GPATCH8: variants seen among roughly 807,000 people sequenced by gnomAD.
GPATCH8 encodes the protein G-patch domain containing 8.
In GPATCH8, 18 loss-of-function variants were observed where a neutral mutation model predicts 118.3. The observed-to-expected ratio is 0.15, with a 90% CI of 0.11 to 0.23. GPATCH8 has a LOEUF of 0.23. Among genes scored for constraint, GPATCH8 ranks in the 10% least tolerant of loss-of-function variants. The probability of loss-of-function intolerance (pLI) is 1.00; values close to 1 mark genes in which losing one functional copy is unlikely to be tolerated. For missense variants in GPATCH8, 1,631 were observed against 1,873.8 expected, an observed-to-expected ratio of 0.87 and a Z score of 2.39; for synonymous variants, 659 against 684.7, an observed-to-expected ratio of 0.96 and a Z score of 0.59.
At chr17:44,443,362 C>T (rs1431705960) in intron 3 of GPATCH8, among the ~76,000 whole-genome samples, 1 of 152,106 alleles carries the variant, frequency 6.6e-6, no homozygotes, top group Non-Finnish European at 1.5e-5. Flanking sequence ...CAAACCAAAG[C>T]TTAATTTTTG....
rs779970620 is a variant in GPATCH8 at position 44,400,327 on chromosome 17, C to G, written c.1750G>C (p.Ala584Pro). Reference protein sequence around the residue: ...FDFKLSRNKDARTKGTEKPKD... With the variant: ...FDFKLSRNKDPRTKGTEKPKD... The stretch of plus-strand genomic sequence containing the variant: ...GGTTTTTCTGTTCCTTTAGTTCTGG[C>G]ATCTTTGTTCCTTGAAAGTTTAAAG... Residue 584 changes from alanine to proline, a missense_variant, in exon 8 of 8, where the codon GCC becomes CCC. This residue lies in a region of GPATCH8 where 405 missense variants were observed against 462.7 expected (regional missense o/e 0.88). Transcript: ENST00000591680. 1 of 1,614,124 alleles carries G rather than the reference C, an allele frequency of 6.2e-7. No individual in the cohort carries two copies. The highest frequency in any genetic ancestry group is 8.5e-7 in the Non-Finnish European group (1 of 1,179,984).
intron 3 of GPATCH8, among the ~76,000 whole-genome samples, chr17:44,449,396 C>T (rs181601498): frequency 4.9e-4 from 74 of 152,252 alleles, no homozygotes; most frequent in African/African-American, 1.7e-3. Context: ...TAGATACAAA[C>T]TCTTGCTATG....
chr17:44,462,585 T>C (rs2051596813), intron 3 of GPATCH8, among the ~76,000 whole-genome samples: 1 of 152,228 alleles, frequency 6.6e-6, no homozygotes, highest in Non-Finnish European at 1.5e-5. Flanking sequence ...GGTTAATGCT[T>C]AGTAATGAAT....
chr17:44,432,173 T>C (rs895975504), intron 5 of GPATCH8, among the ~76,000 whole-genome samples: 2 of 152,170 alleles, frequency 1.3e-5, no homozygotes, highest in South Asian at 4.2e-4. Flanking sequence ...TGGAAGGTCT[T>C]TGATAAGACA....
In GPATCH8 at chr17:44,429,938, A is replaced by T. The variant is rs550220346; in HGVS notation, c.348+5127T>A. ...CAGCTACTTGGGTGGCTAAGGCATG[A>T]GAATTGCTTGAACCCGGGAGGCACA... On this transcript the variant is annotated intron_variant, in intron 5 of 7. Transcript: ENST00000591680. 2.6e-3 allele frequency among the ~76,000 whole-genome samples: 389 copies of T among 152,118 alleles called. 1 individual carries two copies. The highest frequency in any genetic ancestry group is 8.8e-3 in the African/African-American group (367 of 41,494).
rs885758 is a variant in GPATCH8, at chr17:44,396,956, T to A, written c.*612A>T. On this transcript the variant is annotated 3_prime_UTR_variant, in exon 8 of 8. Coordinates refer to ENST00000591680, the MANE Select transcript of GPATCH8 (RefSeq NM_001002909.4). ...GGGATACCAAGATAACAGTGCCAAA[T>A]GTGTGGCTCCGTTGATGTGGGAACT... The A allele has an allele frequency of 6.4e-4, 290 of 454,032 alleles. 1 individual carries two copies. The highest frequency in any genetic ancestry group is 5.4e-3 in the African/African-American group (270 of 50,064). 28.1% of individuals were successfully genotyped at this position (454,032 alleles called of 1,614,324 possible). A position where few individuals can be genotyped will look rare whatever the true frequency, so the allele number is the denominator to read the frequency against.
intron 3 of GPATCH8, among the ~76,000 whole-genome samples, chr17:44,452,283 A>G (rs2051143226): frequency 6.6e-6 from 1 of 150,628 alleles, no homozygotes. Flanking sequence ...AAAAAAAAAA[A>G]AAAAAAGAAA....
chr17:44,470,075 C>T lies in GPATCH8; in HGVS notation c.120+4754G>A, dbSNP rs561685754. On this transcript the variant is annotated intron_variant, in intron 2 of 7. Coordinates refer to ENST00000591680, the MANE Select transcript of GPATCH8 (RefSeq NM_001002909.4). ...ACAACCATAAAGAAAGAATTTTAAT[C>T]AGTCAGGTAGAGCAAGGACCGACTA... 2.9e-3 allele frequency among the ~76,000 whole-genome samples: 445 copies of T among 152,342 alleles called. 2 individuals are homozygous for T. Among genetic ancestry groups the T allele is most frequent in the African/African-American group, 0.01 (426 of 41,576 alleles).
chr17:44,460,685 C>A (rs6503372), intron 3 of GPATCH8, among the ~76,000 whole-genome samples: 91,517 of 152,008 alleles, frequency 0.6, 27,749 homozygotes, highest in Middle Eastern at 0.67. Flanking sequence ...AAACTCAAAT[C>A]AAAAGGAAAG....
intron 1 of GPATCH8, among the ~76,000 whole-genome samples, chr17:44,492,087 G>A (rs1330854850): frequency 2.0e-5 from 3 of 151,832 alleles, no homozygotes; most frequent in Non-Finnish European, 4.4e-5. Context: ...ATCACCTGAG[G>A]TCAAGAGTTC....
intron 1 of GPATCH8, among the ~76,000 whole-genome samples, chr17:44,491,651 C>T (rs1163237546): frequency 1.3e-5 from 2 of 152,020 alleles, no homozygotes; most frequent in African/African-American, 4.8e-5. Context: ...AGTTCAAGAC[C>T]TGCTTGGGCC....
At chr17:44,503,095 G>A (rs528373896) in intron 1 of GPATCH8, among the ~76,000 whole-genome samples, 21 of 152,346 alleles carry the variant, frequency 1.4e-4, no homozygotes, top group African/African-American at 4.8e-4. Context: ...CCAAACAGGC[G>A]GAAGCCGCAA....
Position 44,399,489 on chromosome 17 carries a change from T to G in GPATCH8, c.2588A>C (p.His863Pro), listed in dbSNP as rs565935369. 1 of 1,614,072 alleles carries G rather than the reference T, an allele frequency of 6.2e-7. No homozygotes were observed. The highest frequency in any genetic ancestry group is 8.5e-7 in the Non-Finnish European group (1 of 1,180,048). Residue 863 changes from histidine to proline, a missense_variant, in exon 8 of 8, where the codon CAT becomes CCT. His to Pro is a moderately conservative substitution (Grantham distance 77). Around this residue, in one of 8 missense-constraint regions of GPATCH8, gnomAD observed 922 missense variants for 879.7 expected, o/e 1.05. Coordinates refer to ENST00000591680, the MANE Select transcript of GPATCH8 (RefSeq NM_001002909.4). ...RSRSGRRHSSHRSSRRSYSSS... is the reference protein window; with the variant it reads ...RSRSGRRHSSPRSSRRSYSSS... ...TGAGTAAGAACGCCGGGAGGAACGA[T>G]GCGAGGAATGGCGCCGGCCAGACCT...
rs774080507 is a variant in GPATCH8 at position 44,399,293 on chromosome 17, A to G, written c.2784T>C (p.Tyr928=). 4.3e-6 allele frequency: 7 copies of G among 1,613,802 alleles called. No individual in the cohort carries two copies. The highest frequency in any genetic ancestry group is 1.7e-4 in the Middle Eastern group (1 of 6,060). ...SSKHRSKRHK[Y]SSSDDDYSLS... The stretch of plus-strand genomic sequence containing the variant: ...GGCTATAGTCATCATCAGAAGATGA[A>G]TATTTGTGCCGTTTTGATCGGTGTT... The change falls in exon 8 of 8, where the codon TAT becomes TAC. Residue 928 remains tyrosine, a synonymous_variant. Coordinates refer to ENST00000591680, the MANE Select transcript of GPATCH8 (RefSeq NM_001002909.4).
intron 6 of GPATCH8, among the ~76,000 whole-genome samples, chr17:44,406,496 TGG>T (rs398030921): frequency 4.7e-5 from 1 of 21,070 alleles, no homozygotes. Context: ...ACAGCTTACA[TGG>T]GGGGGGGGGG....
At chr17:44,489,083 A>T (rs1194688522) in intron 1 of GPATCH8, among the ~76,000 whole-genome samples, 1 of 152,034 alleles carries the variant, frequency 6.6e-6, no homozygotes, top group Admixed American at 6.6e-5. Context: ...ACAAAAACAA[A>T]CAAAAAGTAA....
At chr17:44,501,242 C>A (rs1970039732) in intron 1 of GPATCH8, among the ~76,000 whole-genome samples, 1 of 151,902 alleles carries the variant, frequency 6.6e-6, no homozygotes, top group African/African-American at 2.4e-5. Flanking sequence ...TACGGTGAAA[C>A]CCCATCTCTA....
chr17:44,485,034 C>T lies in GPATCH8; in HGVS notation c.46-10131G>A, dbSNP rs369975471. 1.1e-4 allele frequency among the ~76,000 whole-genome samples: 17 copies of T among 151,840 alleles called. No individual in the cohort carries two copies. The East Asian group carries it at 1.2e-3, about 10-fold the overall frequency. Reference sequence around the variant, plus strand: ...TCCATCATGTAGCCCAGAATGGTCTCGAACTCCTGAGCTCAAGAGATCGCC... The same window carrying T: ...TCCATCATGTAGCCCAGAATGGTCTTGAACTCCTGAGCTCAAGAGATCGCC... On this transcript the variant is annotated intron_variant, in intron 1 of 7. Coordinates refer to ENST00000591680, the MANE Select transcript of GPATCH8 (RefSeq NM_001002909.4).
chr17:44,466,519 C>G (rs746796427), intron 2 of GPATCH8, among the ~76,000 whole-genome samples: 3 of 152,162 alleles, frequency 2.0e-5, no homozygotes, highest in Non-Finnish European at 4.4e-5. Flanking sequence ...TATAACACTA[C>G]TGGCTGCTGG....
Sources: allele counts gnomAD v4.1 joint callset (sites outside exome capture counted in the v4.1 genomes callset), GRCh38; gene constraint gnomAD v4.1.1; regional missense constraint gnomAD v4.1.1; transcripts MANE v1.5; gene names NCBI Gene and HGNC (gene_info 2026-07-23, HGNC 2026-07-21).